PLB1: variants seen among roughly 807,000 people sequenced by gnomAD.
The protein encoded by PLB1 is phospholipase B1, membrane-associated.
PLB1 carries 242 observed loss-of-function variants against 227.4 expected under a neutral mutation model. The observed-to-expected ratio is 1.06, with a 90% confidence interval of 0.96 to 1.18. The LOEUF (loss-of-function observed/expected upper bound fraction) is 1.18, where lower values mean the gene tolerates loss of function less well. Among genes scored for constraint, PLB1 ranks in the 50% most tolerant of loss-of-function variants. PLB1 has a pLI of 0.00. For missense variants in PLB1, 1,858 were observed against 1,816.3 expected, an observed-to-expected ratio of 1.02 and a Z score of -0.42; for synonymous variants, 757 against 682.2, an observed-to-expected ratio of 1.11 and a Z score of -1.71.
chr2:28,526,214 C>A (rs1670244294), intron 6 of PLB1, among the ~76,000 whole-genome samples: 1 of 152,036 alleles, frequency 6.6e-6, no homozygotes, highest in Non-Finnish European at 1.5e-5. Flanking sequence ...TAGGAGAGGG[C>A]TTAGGGGCCA....
At position 28,639,574 on chromosome 2, in the gene PLB1, C is replaced by T. The variant is rs374930510; in HGVS notation, c.4099-1353C>T. Among the ~76,000 whole-genome samples the T allele has an allele frequency of 1.1e-4, 16 of 152,244 alleles. 1 individual carries two copies. The highest frequency in any genetic ancestry group is 6.2e-4 in the South Asian group (3 of 4,824). ...AGGGCAGGTGAAGGAGGGGAGATGTCGGAGCAGGTTGTGTACTGACGAGAA... is the reference window on the plus strand; with the variant it reads ...AGGGCAGGTGAAGGAGGGGAGATGTTGGAGCAGGTTGTGTACTGACGAGAA... On this transcript the variant is annotated intron_variant, in intron 56 of 57. Coordinates refer to ENST00000327757, the MANE Select transcript of PLB1 (RefSeq NM_153021.5).
intron 20 of PLB1, among the ~76,000 whole-genome samples, chr2:28,569,055 C>G (rs1005387161): frequency 1.3e-5 from 2 of 152,144 alleles, no homozygotes; most frequent in Non-Finnish European, 2.9e-5. Context: ...TGTAATATCC[C>G]CAAACCTCAA....
At chr2:28,523,654 T>TC (rs1345415896) in intron 4 of PLB1, among the ~76,000 whole-genome samples, 1 of 151,926 alleles carries the variant, frequency 6.6e-6, no homozygotes, top group African/African-American at 2.4e-5. Flanking sequence ...TCCTCTTTCC[T>TC]CCCAACATCT....
chr2:28,599,127 AG>A (rs1322575935), intron 35 of PLB1, among the ~76,000 whole-genome samples: 13 of 152,214 alleles, frequency 8.5e-5, no homozygotes, highest in Non-Finnish European at 1.9e-4. Flanking sequence ...AAGATCAGAG[AG>A]GGCCAACCAA....
intron 12 of PLB1, among the ~76,000 whole-genome samples, chr2:28,541,347 G>A (rs2148208368): frequency 6.6e-6 from 1 of 152,262 alleles, no homozygotes. Context: ...CTCTCGCTCT[G>A]GAAATGACAA....
intron 4 of PLB1, among the ~76,000 whole-genome samples, chr2:28,523,257 A>G (rs1175150749): frequency 1.3e-5 from 2 of 151,878 alleles, no homozygotes; most frequent in East Asian, 1.9e-4. Context: ...TCATTCTCCA[A>G]TGTATAGCAA....
chr2:28,611,936 C>G (rs1003694812), intron 43 of PLB1, among the ~76,000 whole-genome samples: 2 of 152,030 alleles, frequency 1.3e-5, no homozygotes, highest in African/African-American at 4.8e-5. Context: ...GTCAGGAGAT[C>G]GAGACCATCC....
chr2:28,507,693 CTT>C (rs2148162718), intron 1 of PLB1, among the ~76,000 whole-genome samples: 1 of 152,276 alleles, frequency 6.6e-6, no homozygotes, highest in African/African-American at 2.4e-5. Context: ...TACAAATAAA[CTT>C]TGAATATGTA....
intron 2 of PLB1, 124 bp downstream of exon 2, chr2:28,516,993 G>A: frequency 1.1e-6 from 1 of 930,984 alleles, no homozygotes; most frequent in East Asian, 2.4e-5. Context: ...TTGAGGGAAT[G>A]GGCTGGATGA....
chr2:28,629,267 A>T, intron 53 of PLB1, 82 bp downstream of exon 53: 3 of 1,223,990 alleles, frequency 2.5e-6, no homozygotes, highest in Non-Finnish European at 3.5e-6. Flanking sequence ...AGACCAGTTG[A>T]GGCAGAGCCA....
At chr2:28,588,579 C>T (rs1681315212) in intron 26 of PLB1, among the ~76,000 whole-genome samples, 1 of 152,112 alleles carries the variant, frequency 6.6e-6, no homozygotes. Context: ...CCCGAGGTGG[C>T]AGAAACCCTG....
chr2:28,535,387 A>G (rs1572816562), intron 9 of PLB1, among the ~76,000 whole-genome samples: 2 of 152,198 alleles, frequency 1.3e-5, no homozygotes, highest in South Asian at 4.1e-4. Flanking sequence ...CACTTACCCC[A>G]GAGGCCCTGT....
At chr2:28,634,270 T>C (rs900065530) in intron 56 of PLB1, among the ~76,000 whole-genome samples, 2 of 152,360 alleles carry the variant, frequency 1.3e-5, no homozygotes, top group African/African-American at 4.8e-5. Context: ...GCCCCACGAT[T>C]TTTAAATCAG....
At chr2:28,592,956 A>G (rs1260972998) in intron 32 of PLB1, among the ~76,000 whole-genome samples, 4 of 152,136 alleles carry the variant, frequency 2.6e-5, no homozygotes. Flanking sequence ...GATTTTGAAC[A>G]CCCAATAACA....
At chr2:28,587,772 A>C (rs1248621514) in intron 26 of PLB1, among the ~76,000 whole-genome samples, 1 of 152,162 alleles carries the variant, frequency 6.6e-6, no homozygotes, top group African/African-American at 2.4e-5. Flanking sequence ...CCTCAGTCAC[A>C]TACCCACGCC....
At position 28,589,965 on chromosome 2, in the gene PLB1, G is replaced by A. The variant is rs769605675; in HGVS notation, c.2017-40G>A. On this transcript the variant is annotated intron_variant, in intron 28 of 57. Coordinates refer to ENST00000327757, the MANE Select transcript of PLB1 (RefSeq NM_153021.5). ...GCGTCCTGAGCTTTCCATTCTGGCC[G>A]CCTCTTCCTCACTCCCCATCTCCCT... 16 of 1,572,850 alleles carry A rather than the reference G, an allele frequency of 1.0e-5. No homozygotes were observed. In the Admixed American group the frequency reaches 1.7e-4, roughly 16 times the overall value.
chr2:28,523,111 A>C (rs1468776850), intron 4 of PLB1, among the ~76,000 whole-genome samples: 1 of 152,174 alleles, frequency 6.6e-6, no homozygotes, highest in Non-Finnish European at 1.5e-5. Context: ...ATGTTTGTAG[A>C]AGTTCTGCAA....
rs1490850146 is a variant in PLB1 at position 28,520,246 on chromosome 2, TA to T, written c.243+486del. Reference sequence around the variant, plus strand: ...CCCAGCCGAATCTTTTTTTTTTTTTTAAATCAAATGAATGCCTCTCTTTACA... The same window carrying T: ...CCCAGCCGAATCTTTTTTTTTTTTTTAATCAAATGAATGCCTCTCTTTACA... On this transcript the variant is annotated intron_variant, in intron 4 of 57. Coordinates refer to ENST00000327757, the MANE Select transcript of PLB1 (RefSeq NM_153021.5). Among the ~76,000 whole-genome samples, 7 of 136,230 alleles carry T rather than the reference TA, an allele frequency of 5.1e-5. 1 individual carries two copies. The South Asian group carries it at 7.3e-4, about 14-fold the overall frequency. The allele number at this position is 136,230 out of a possible 152,430, so 89.4% of individuals were successfully genotyped here. A position where few individuals can be genotyped will look rare whatever the true frequency, so the allele number is the denominator to read the frequency against.
At position 28,617,785 on chromosome 2, in the gene PLB1, CTG is replaced by C. The variant is rs1686405825; in HGVS notation, c.3255_3256del (p.Val1086ProfsTer16). On this transcript the variant is annotated frameshift_variant and splice_region_variant, in exon 45 of 58. Coordinates refer to ENST00000327757, the MANE Select transcript of PLB1 (RefSeq NM_153021.5). LOFTEE classifies it high-confidence loss of function. ...AAGGCTTCCAATAGTGTTCCAACCT[CTG>C]GTGAGTGAAAACATCATCATCTCCT... is the stretch of plus-strand genomic sequence containing the variant. The C allele has an allele frequency of 9.3e-6, 15 of 1,613,664 alleles. No homozygotes were observed. In the East Asian group the frequency reaches 3.3e-4, roughly 36 times the overall value.
Sources: allele counts gnomAD v4.1 joint callset (sites outside exome capture counted in the v4.1 genomes callset), GRCh38; gene constraint gnomAD v4.1.1; transcripts MANE v1.5; gene names NCBI Gene and HGNC (gene_info 2026-07-23, HGNC 2026-07-21).